Variants in NAPB observed in about 807,000 individuals in gnomAD.
NAPB encodes the protein NSF attachment protein beta.
NAPB carries 26 observed loss-of-function variants against 44.7 expected under a neutral mutation model. The ratio of observed to expected loss-of-function variants is 0.58; its 90% CI spans 0.43 to 0.81. The LOEUF is 0.81. NAPB is among the 30% of genes least tolerant of loss of function. The pLI is 0.00. For synonymous variants in NAPB, 120 were observed against 116.8 expected, an observed-to-expected ratio of 1.03 and a Z score of -0.18; for missense variants, 315 against 356.4, an observed-to-expected ratio of 0.88 and a Z score of 0.94.
rs1984467273 is a variant in NAPB at position 23,397,607 on chromosome 20, CTACACT to C, written c.179-425_179-420del. Reference sequence around the variant, plus strand: ...GCTCACTTTTCTATCTTAGTGTCTCCTACACTTAGCTGTCGGTGTGGAAGAAACTGC... The same window carrying C: ...GCTCACTTTTCTATCTTAGTGTCTCCTAGCTGTCGGTGTGGAAGAAACTGC... On this transcript the variant is annotated intron_variant, in intron 2 of 10. Coordinates refer to ENST00000377026, the MANE Select transcript of NAPB (RefSeq NM_022080.3). Among the ~76,000 whole-genome samples, 3 of 152,192 alleles carry C rather than the reference CTACACT, an allele frequency of 2.0e-5. No individual in the cohort carries two copies. The South Asian group carries it at 6.2e-4, about 32-fold the overall frequency.
chr20:23,386,593 G>A (rs73901821), intron 7 of NAPB, among the ~76,000 whole-genome samples: 3,069 of 152,220 alleles, frequency 0.02, 83 homozygotes, highest in African/African-American at 0.07. Context: ...CAGCCACAAG[G>A]GTGGTCAACA....
intron 2 of NAPB, among the ~76,000 whole-genome samples, chr20:23,398,447 G>A (rs144329043): frequency 0.011 from 1,722 of 152,084 alleles, 30 homozygotes; most frequent in African/African-American, 0.04. Context: ...ACAGCTCACT[G>A]CAACCTCCAC....
At chr20:23,392,693 T>A (rs560792032) in intron 5 of NAPB, among the ~76,000 whole-genome samples, 56 of 151,652 alleles carry the variant, frequency 3.7e-4, no homozygotes, top group Middle Eastern at 6.8e-3. Context: ...GTTTTTTTTT[T>A]TATATTTTTA....
At chr20:23,413,514 T>C (rs1985797466) in intron 1 of NAPB, among the ~76,000 whole-genome samples, 1 of 151,634 alleles carries the variant, frequency 6.6e-6, no homozygotes, top group Non-Finnish European at 1.5e-5. Flanking sequence ...GCAATAAAGA[T>C]AAAAGTATAA....
chr20:23,390,219 C>A lies in NAPB; in HGVS notation c.466G>T (p.Glu156Ter), dbSNP rs1420863856. 6.2e-7 allele frequency: 1 copy of A among 1,610,418 alleles called. No individual in the cohort carries two copies. Among genetic ancestry groups the A allele is most frequent in the East Asian group, 2.2e-5 (1 of 44,854 alleles). Residue 156 changes from glutamate (E) to a stop codon, truncating the protein, a stop_gained, in exon 6 of 11, where the codon GAA (glutamate) becomes TAA (stop). Transcript: ENST00000377026. LOFTEE classifies it high-confidence loss of function. Reference protein sequence around the residue: ...EQSADYYKGEESNSSANKCLL... With the variant: ...EQSADYYKGE ...AAAAGTAATACTTGCCTGTTGGATT[C>A]TTCTCCTTTGTAATAATCAGCAGAT... is the stretch of plus-strand genomic sequence containing the variant.
rs3736756 is a variant in NAPB at position 23,396,963 on chromosome 20, C to A, written c.295+109G>T. On this transcript the variant is annotated intron_variant, in intron 3 of 10. Transcript: ENST00000377026. ...TCTATTATTCCAAAATACAAAAATT[C>A]CTTTTTACCAGGACTTGAAAGCACA... 58,868 of 1,155,278 alleles carry A rather than the reference C, an allele frequency of 0.051. 2,264 individuals are homozygous for A. Among genetic ancestry groups the A allele is most frequent in the African/African-American group, 0.19 (11,810 of 63,488 alleles). 71.6% of individuals were successfully genotyped at this position (1,155,278 alleles called of 1,614,324 possible).
At chr20:23,402,682 G>A (rs757682421) in intron 2 of NAPB, among the ~76,000 whole-genome samples, 1 of 152,184 alleles carries the variant, frequency 6.6e-6, no homozygotes, top group Non-Finnish European at 1.5e-5. Context: ...TTAGTAAGAA[G>A]CAAAGATTAC....
chr20:23,400,281 G>A (rs568973738), intron 2 of NAPB, among the ~76,000 whole-genome samples: 2 of 152,256 alleles, frequency 1.3e-5, no homozygotes, highest in South Asian at 4.1e-4. Context: ...CCAGCACTTA[G>A]GGTGGATCAG....
chr20:23,409,922 A>T (rs1030182000), intron 1 of NAPB, among the ~76,000 whole-genome samples: 1 of 152,180 alleles, frequency 6.6e-6, no homozygotes, highest in African/African-American at 2.4e-5. Flanking sequence ...TAACCTGGCA[A>T]TCATTGTCCA....
chr20:23,396,055 T>G (rs1353506192), intron 3 of NAPB, among the ~76,000 whole-genome samples: 1 of 152,246 alleles, frequency 6.6e-6, no homozygotes, highest in African/African-American at 2.4e-5. Flanking sequence ...ATAATCCCGC[T>G]CAAATCCGTT....
Position 23,377,408 on chromosome 20 carries a change from C to T in NAPB, c.865G>A (p.Gly289Arg), listed in dbSNP as rs969173115. Residue 289 changes from glycine to arginine, a missense_variant, in exon 11 of 11, where the codon GGG becomes AGG. Around this residue, in one of 3 missense-constraint regions of NAPB, gnomAD observed 120 missense variants for 130.5 expected, o/e 0.92. Transcript: ENST00000377026. ...MLLRIKKSIQ[G>R]DGEGDGDLK ...AGGTCTCCATCTCCTTCTCCATCCC[C>T]TTGGATGGACTTTTTGATGCGAAGC... 3.1e-6 allele frequency: 5 copies of T among 1,600,686 alleles called. No individual in the cohort carries two copies. In the Middle Eastern group the frequency reaches 5.0e-4, roughly 159 times the overall value.
chr20:23,420,723 CCTT>C (rs1374491685), intron 1 of NAPB, among the ~76,000 whole-genome samples: 2 of 152,158 alleles, frequency 1.3e-5, no homozygotes, highest in Admixed American at 6.5e-5. Flanking sequence ...GAGCCGCTGA[CCTT>C]CTAGGTCGTG....
chr20:23,390,187 T>C (rs41308082), intron 6 of NAPB, 22 bp downstream of exon 6: 1 of 1,586,554 alleles, frequency 6.3e-7, no homozygotes, highest in Non-Finnish European at 8.7e-7. Flanking sequence ...CATTAAATCA[T>C]ATTAAGAAAA....
At position 23,391,080 on chromosome 20, in the gene NAPB, C is replaced by G. The variant is rs116347328; in HGVS notation, c.421-816G>C. Among the ~76,000 whole-genome samples the G allele has an allele frequency of 4.2e-3, 634 of 152,104 alleles. 4 individuals carry two copies. The highest frequency in any genetic ancestry group is 0.013 in the African/African-American group (553 of 41,484). On this transcript the variant is annotated intron_variant, in intron 5 of 10. Transcript: ENST00000377026. ...CTGTAATCCCAGCACTTTTGGAGGC[C>G]GAGGAGGGTGGAATACCTGAGGAGT...
chr20:23,382,911 G>GT (rs1233988522), intron 7 of NAPB, among the ~76,000 whole-genome samples: 1 of 152,048 alleles, frequency 6.6e-6, no homozygotes, highest in Non-Finnish European at 1.5e-5. Context: ...TCCCAGCACT[G>GT]TGGGAGGCCA....
chr20:23,396,153 A>AT, intron 3 of NAPB, among the ~76,000 whole-genome samples: 1 of 152,334 alleles, frequency 6.6e-6, no homozygotes, highest in East Asian at 1.9e-4. Context: ...ATTATACAAC[A>AT]TTCAGTCTCA....
chr20:23,400,748 T>C (rs1223335229), intron 2 of NAPB, among the ~76,000 whole-genome samples: 3 of 152,160 alleles, frequency 2.0e-5, no homozygotes, highest in African/African-American at 7.2e-5. Flanking sequence ...CAATGCAACA[T>C]GGATAGAACT....
At chr20:23,394,708 C>CTTT (rs954823985) in intron 5 of NAPB, among the ~76,000 whole-genome samples, 6 of 152,196 alleles carry the variant, frequency 3.9e-5, no homozygotes, top group Non-Finnish European at 8.8e-5. Flanking sequence ...CAGGTGATCT[C>CTTT]TGTAAATCTT....
intron 3 of NAPB, among the ~76,000 whole-genome samples, chr20:23,396,495 T>G (rs1984374161): frequency 6.6e-6 from 1 of 152,264 alleles, no homozygotes; most frequent in Non-Finnish European, 1.5e-5. Context: ...AAATTAATAC[T>G]TTTAATTACA....
Sources: gnomAD v4.1 joint callset for allele counts (sites outside exome capture counted in the v4.1 genomes callset) on GRCh38, gnomAD v4.1.1 for gene constraint, gnomAD v4.1.1 regional missense constraint, MANE v1.5 for transcripts, NCBI Gene and HGNC (gene_info 2026-07-23, HGNC 2026-07-21) for gene names.